The following SUPT3H variants were observed in gnomAD, a reference collection of about 807,000 sequenced individuals.
SUPT3H encodes the protein transcription initiation protein SPT3 homolog.
Under a neutral mutation model 44.3 loss-of-function variants are expected in SUPT3H, and 44 were observed. The ratio of observed to expected loss-of-function variants is 0.99; its 90% CI spans 0.78 to 1.28. SUPT3H has a LOEUF of 1.28. Among genes scored for constraint, SUPT3H ranks in the 50% most tolerant of loss-of-function variants. The pLI is 0.00. For synonymous variants in SUPT3H, 124 were observed against 125.6 expected, an observed-to-expected ratio of 0.99 and a Z score of 0.09; for missense variants, 380 against 387.1, an observed-to-expected ratio of 0.98 and a Z score of 0.15.
chr6:45,034,541 G>A (rs140218541), intron 3 of SUPT3H, among the ~76,000 whole-genome samples: 199 of 152,246 alleles, frequency 1.3e-3, no homozygotes, highest in African/African-American at 4.6e-3. Context: ...AAGTAGTTCT[G>A]TTCAGACTAT....
chr6:45,176,572 C>T (rs1354153852), intron 2 of SUPT3H, among the ~76,000 whole-genome samples: 1 of 152,120 alleles, frequency 6.6e-6, no homozygotes, highest in Non-Finnish European at 1.5e-5. Context: ...TGGAGCCCAC[C>T]ACAGCTCAAG....
chr6:44,811,881 C>A (rs1029718574), intron 11 of SUPT3H, among the ~76,000 whole-genome samples: 1 of 149,234 alleles, frequency 6.7e-6, no homozygotes, highest in Non-Finnish European at 1.5e-5. Context: ...TTTCTCTGAT[C>A]CTCCAACTTC....
At chr6:44,856,913 G>A (rs662599) in intron 10 of SUPT3H, among the ~76,000 whole-genome samples, 3,099 of 152,268 alleles carry the variant, frequency 0.02, 42 homozygotes, top group Non-Finnish European at 0.033. Context: ...ACTCATAAAT[G>A]AGAATAAAAT....
chr6:44,870,147 G>A (rs1458863297), intron 10 of SUPT3H, among the ~76,000 whole-genome samples: 1 of 152,086 alleles, frequency 6.6e-6, no homozygotes, highest in Admixed American at 6.6e-5. Context: ...GGCAAATAAT[G>A]GCTCTTTCAA....
At chr6:45,003,041 T>G (rs1401590329) in intron 6 of SUPT3H, among the ~76,000 whole-genome samples, 1 of 152,152 alleles carries the variant, frequency 6.6e-6, no homozygotes, top group Non-Finnish European at 1.5e-5. Context: ...TACTTTAAAT[T>G]TTTCCTTTAG....
intron 10 of SUPT3H, among the ~76,000 whole-genome samples, chr6:44,924,729 C>A (rs1418214145): frequency 1.3e-5 from 2 of 151,988 alleles, no homozygotes; most frequent in Non-Finnish European, 2.9e-5. Context: ...GATAAATATG[C>A]TACATGTTAA....
chr6:45,045,902 G>A (rs527272990), intron 3 of SUPT3H, among the ~76,000 whole-genome samples: 326 of 152,182 alleles, frequency 2.1e-3, no homozygotes, highest in Admixed American at 3.7e-3. Flanking sequence ...CAGAGTGCAA[G>A]TTTTTTAATG....
intron 10 of SUPT3H, among the ~76,000 whole-genome samples, chr6:44,882,870 T>C (rs996214506): frequency 6.6e-6 from 1 of 152,216 alleles, no homozygotes; most frequent in African/African-American, 2.4e-5. Context: ...AAACTAGGTA[T>C]TGATGGAACG....
chr6:45,337,087 G>A (rs1479184697), intron 2 of SUPT3H, among the ~76,000 whole-genome samples: 9 of 151,654 alleles, frequency 5.9e-5, no homozygotes, highest in South Asian at 2.1e-4. Context: ...AGCCAACCCC[G>A]AACATAGGAG....
chr6:45,088,080 G>C (rs1339179491), intron 3 of SUPT3H, among the ~76,000 whole-genome samples: 3 of 152,010 alleles, frequency 2.0e-5, no homozygotes, highest in Non-Finnish European at 4.4e-5. Flanking sequence ...TAAGTCTCCA[G>C]GATTGAAATG....
At position 45,368,787 on chromosome 6, in the gene SUPT3H, C is replaced by T. The variant is rs1042648208; in HGVS notation, c.1-3486G>A. ...ACAGAGTCTCAATTCTAATGATAAC[C>T]TGAACATCTCACATAATATAAATTA... On this transcript the variant is annotated intron_variant, in intron 1 of 10. Transcript: ENST00000371459. Among the ~76,000 whole-genome samples the T allele has an allele frequency of 3.3e-5, 5 of 152,118 alleles. No individual in the cohort carries two copies. The South Asian group carries it at 1.0e-3, about 32-fold the overall frequency.
chr6:45,128,671 AT>A (rs1267518894), intron 2 of SUPT3H, among the ~76,000 whole-genome samples: 2 of 131,756 alleles, frequency 1.5e-5, no homozygotes, highest in Admixed American at 8.0e-5. Flanking sequence ...AATGAAAAGT[AT>A]TTTTTTCTAT....
At chr6:45,153,574 T>A (rs1161457397) in intron 2 of SUPT3H, among the ~76,000 whole-genome samples, 2 of 152,076 alleles carry the variant, frequency 1.3e-5, no homozygotes, top group Non-Finnish European at 2.9e-5. Context: ...CAAAGATAGG[T>A]CAAAAGATAA....
At chr6:45,091,494 A>G (rs1797113529) in intron 3 of SUPT3H, among the ~76,000 whole-genome samples, 1 of 152,074 alleles carries the variant, frequency 6.6e-6, no homozygotes. Context: ...CATATTTTCT[A>G]TACTAAGGAA....
intron 2 of SUPT3H, among the ~76,000 whole-genome samples, chr6:45,285,911 G>C (rs1447071596): frequency 6.6e-6 from 1 of 151,750 alleles, no homozygotes; most frequent in Non-Finnish European, 1.5e-5. Context: ...TAGACCAATG[G>C]AAAAGAACAG....
rs980347585 is a variant in SUPT3H at position 45,286,511 on chromosome 6, G to T, written c.101+78690C>A. On this transcript the variant is annotated intron_variant, in intron 2 of 10. Coordinates refer to ENST00000371459, the MANE Select transcript of SUPT3H (RefSeq NM_003599.4). ...AAAAAATGCTCATCATCACTGGCCAGCAGAGAAATGCAAATCAAAACGACA... is the reference window on the plus strand; with the variant it reads ...AAAAAATGCTCATCATCACTGGCCATCAGAGAAATGCAAATCAAAACGACA... Among the ~76,000 whole-genome samples, 25 of 152,296 alleles carry T rather than the reference G, an allele frequency of 1.6e-4. 1 individual carries two copies. The highest frequency in any genetic ancestry group is 8.3e-4 in the South Asian group (4 of 4,830).
intron 10 of SUPT3H, among the ~76,000 whole-genome samples, chr6:44,885,204 A>C (rs1778966568): frequency 2.0e-5 from 3 of 152,136 alleles, no homozygotes; most frequent in African/African-American, 7.2e-5. Context: ...GACAAACAAA[A>C]AGACAGCAGT....
Position 44,829,523 on chromosome 6 carries a change from G to T in SUPT3H, c.*293C>A. On this transcript the variant is annotated 3_prime_UTR_variant, in exon 11 of 11. Transcript: ENST00000371459. ...ACTGCTTTTAAGGTATGTGAGCTGA[G>T]GGCAGTAAATCTACTCAAATTAAAA... 3.5e-6 allele frequency: 1 copy of T among 282,352 alleles called. No homozygotes were observed. The highest frequency in any genetic ancestry group is 7.4e-5 in the East Asian group (1 of 13,442). 17.5% of individuals were successfully genotyped at this position (282,352 alleles called of 1,614,324 possible). A position where few individuals can be genotyped will look rare whatever the true frequency, so the allele number is the denominator to read the frequency against.
intron 2 of SUPT3H, among the ~76,000 whole-genome samples, chr6:45,342,505 C>T (rs374927362): frequency 5.9e-5 from 9 of 152,094 alleles, no homozygotes; most frequent in East Asian, 1.9e-4. Flanking sequence ...GTAATCCACC[C>T]GCCTTGGCCT....
Sources: gnomAD v4.1 joint callset for allele counts (sites outside exome capture counted in the v4.1 genomes callset) on GRCh38, gnomAD v4.1.1 for gene constraint, MANE v1.5 for transcripts, NCBI Gene and HGNC (gene_info 2026-07-23, HGNC 2026-07-21) for gene names.